Variants in SLC35F2 observed in about 807,000 individuals in gnomAD.
SLC35F2 encodes the protein solute carrier family 35 member F2.
A neutral mutation model predicts 38.1 loss-of-function variants in SLC35F2; 25 were observed. The observed-to-expected ratio is 0.66, with a 90% CI of 0.48 to 0.92. The LOEUF (loss-of-function observed/expected upper bound fraction) is 0.92, where lower values mean the gene tolerates loss of function less well. Ranked by LOEUF, SLC35F2 falls within the 40% of genes least tolerant of loss-of-function variation. SLC35F2 has a pLI of 0.00. For missense variants in SLC35F2, 409 were observed against 452.9 expected (o/e 0.90, Z 0.88); for synonymous variants, 173 against 181.7 (o/e 0.95, Z 0.38).
intron 1 of SLC35F2, among the ~76,000 whole-genome samples, chr11:107,837,785 CA>C (rs1268553471): frequency 6.6e-6 from 1 of 152,044 alleles, no homozygotes; most frequent in African/African-American, 2.4e-5. Context: ...ATTCCTATGA[CA>C]TTTTGGTTGC....
At chr11:107,800,077 A>G (rs528394979) in intron 7 of SLC35F2, among the ~76,000 whole-genome samples, 23 of 149,622 alleles carry the variant, frequency 1.5e-4, no homozygotes, top group African/African-American at 5.7e-4. Flanking sequence ...TTTAGTAGAG[A>G]CAGGGTTTCA....
At chr11:107,838,884 C>T (rs1372991959) in intron 1 of SLC35F2, among the ~76,000 whole-genome samples, 1 of 152,086 alleles carries the variant, frequency 6.6e-6, no homozygotes, top group Non-Finnish European at 1.5e-5. Flanking sequence ...CCATCTCGGC[C>T]TCCCAAAGTG....
intron 1 of SLC35F2, among the ~76,000 whole-genome samples, chr11:107,855,476 A>T (rs1259862807): frequency 1.3e-5 from 2 of 152,128 alleles, no homozygotes; most frequent in Admixed American, 1.3e-4. Context: ...AACATGGAGA[A>T]GCCCCATCTC....
intron 1 of SLC35F2, among the ~76,000 whole-genome samples, chr11:107,837,525 TAAAAAA>T (rs57873203): frequency 1.6e-5 from 2 of 121,842 alleles, no homozygotes; most frequent in South Asian, 2.8e-4. Flanking sequence ...CTGTCTCTAC[TAAAAAA>T]AAAAAAAAAA....
At chr11:107,855,609 G>A (rs970728210) in intron 1 of SLC35F2, among the ~76,000 whole-genome samples, 1 of 151,260 alleles carries the variant, frequency 6.6e-6, no homozygotes. Flanking sequence ...CCGAGATCGC[G>A]CCATTGAACT....
At position 107,803,026 on chromosome 11, in the gene SLC35F2, A is replaced by G. The variant is rs369521825; in HGVS notation, c.914T>C (p.Val305Ala). 1.1e-5 allele frequency: 18 copies of G among 1,612,568 alleles called. No homozygotes were observed. The highest frequency in any genetic ancestry group is 1.5e-5 in the Non-Finnish European group (18 of 1,179,638). ...CTTATAGCCAAACAGAAAGAGTCCAACAAAAAGGCTGTAGAGGTCCGCTGT... is the reference window on the plus strand; with the variant it reads ...CTTATAGCCAAACAGAAAGAGTCCAGCAAAAAGGCTGTAGAGGTCCGCTGT... ...ILTADLYSLF[V>A]GLFLFGYKFS... is the part of the protein sequence containing the mutation. Residue 305 changes from valine (V) to alanine (A), a missense_variant, in exon 7 of 8, where the codon GTT (valine) becomes GCT (alanine). Transcript: ENST00000525815.
At chr11:107,811,639 C>T (rs1859481317) in intron 3 of SLC35F2, 28 bp downstream of exon 3, 1 of 1,570,086 alleles carries the variant, frequency 6.4e-7, no homozygotes, top group Non-Finnish European at 8.6e-7. Context: ...GCTATAAAAT[C>T]CAAAGTGGTC....
chr11:107,834,131 C>T (rs186497064), intron 1 of SLC35F2, among the ~76,000 whole-genome samples: 4 of 152,184 alleles, frequency 2.6e-5, no homozygotes, highest in Non-Finnish European at 5.9e-5. Context: ...CAGGTTAACT[C>T]CTTGCGGAAG....
At position 107,803,129 on chromosome 11, in the gene SLC35F2, A is replaced by G; in HGVS notation, c.811T>C (p.Cys271Arg). 1 of 1,611,832 alleles carries G rather than the reference A, an allele frequency of 6.2e-7. No individual in the cohort carries two copies. The highest frequency in any genetic ancestry group is 8.5e-7 in the Non-Finnish European group (1 of 1,179,502). The change falls in exon 7 of 8, where the codon TGT becomes CGT. Residue 271 changes from cysteine to arginine, a missense_variant. Coordinates refer to ENST00000525815, the MANE Select transcript of SLC35F2 (RefSeq NM_017515.5). ...ATGAAGCTGTACAGGCAAAACATACACAGGGCAAATGCCACGAACAGCAGG... is the reference window on the plus strand; with the variant it reads ...ATGAAGCTGTACAGGCAAAACATACGCAGGGCAAATGCCACGAACAGCAGG... ...IALLFVAFAL[C>R]MFCLYSFMPL...
intron 1 of SLC35F2, among the ~76,000 whole-genome samples, chr11:107,826,954 C>CT (rs1859762026): frequency 6.6e-6 from 1 of 152,028 alleles, no homozygotes; most frequent in Non-Finnish European, 1.5e-5. Flanking sequence ...ATGGAAGCCC[C>CT]TTTAACCTCT....
At chr11:107,857,611 C>T (rs926450766) in intron 1 of SLC35F2, among the ~76,000 whole-genome samples, 4 of 152,152 alleles carry the variant, frequency 2.6e-5, no homozygotes, top group African/African-American at 9.7e-5. Flanking sequence ...AATGCTTACA[C>T]CTTTATCGAT....
At chr11:107,808,371 C>T (rs879282088) in intron 3 of SLC35F2, among the ~76,000 whole-genome samples, 1 of 148,750 alleles carries the variant, frequency 6.7e-6, no homozygotes, top group Non-Finnish European at 1.5e-5. Flanking sequence ...AGAGAGTGCA[C>T]TCACTCAATT....
At chr11:107,818,134 A>AAGAG (rs71470862) in intron 1 of SLC35F2, among the ~76,000 whole-genome samples, 2 of 147,236 alleles carry the variant, frequency 1.4e-5, no homozygotes, top group African/African-American at 2.5e-5. Context: ...GAAAGAAAGA[A>AAGAG]AAAGAAACAA....
rs1859334513 is a variant in SLC35F2 at position 107,802,932 on chromosome 11, T to C, written c.939+69A>G. 1.0e-5 allele frequency: 15 copies of C among 1,443,384 alleles called. No homozygotes were observed. The South Asian group carries it at 1.8e-4, about 18-fold the overall frequency. 89.4% of individuals were successfully genotyped at this position (1,443,384 alleles called of 1,614,324 possible). ...AGGTTTTATTTTTTGATCTAGAGTC[T>C]TGAAGAAACCTGCTACGTTTTTTGG... On this transcript the variant is annotated intron_variant, in intron 7 of 7. Coordinates refer to ENST00000525815, the MANE Select transcript of SLC35F2 (RefSeq NM_017515.5).
At chr11:107,823,944 GAAAA>G in intron 1 of SLC35F2, 1 of 708,024 alleles carries the variant, frequency 1.4e-6, no homozygotes, top group Non-Finnish European at 1.7e-6. Context: ...AAAAAAAAAA[GAAAA>G]AAGAAAAGAA....
chr11:107,853,043 A>C (rs927576924), intron 1 of SLC35F2, among the ~76,000 whole-genome samples: 9 of 151,908 alleles, frequency 5.9e-5, no homozygotes, highest in African/African-American at 2.2e-4. Flanking sequence ...TAGACTGACC[A>C]CCTATTATCC....
In SLC35F2 at chr11:107,803,776, A is replaced by AACACACACACACAC. The variant is rs71047623; in HGVS notation, c.785-635_785-622dup. 7.7e-3 allele frequency among the ~76,000 whole-genome samples: 1,150 copies of AACACACACACACAC among 149,576 alleles called. 6 individuals are homozygous for AACACACACACACAC. Among genetic ancestry groups the AACACACACACACAC allele is most frequent in the African/African-American group, 0.015 (593 of 40,358 alleles). ...ACTTCTTTAATCTCATCCCATACTC[A>AACACACACACACAC]ACACACACACACACACACACACACT... On this transcript the variant is annotated intron_variant, in intron 6 of 7. Coordinates refer to ENST00000525815, the MANE Select transcript of SLC35F2 (RefSeq NM_017515.5).
Position 107,806,705 on chromosome 11 carries a change from A to T in SLC35F2, c.574+12T>A, listed in dbSNP as rs1432629583. The stretch of plus-strand genomic sequence containing the variant: ...GCTGTGATTGAAGCACAAACATGTG[A>T]CACCGTCTCACCTGAATTGTCTTCC... On this transcript the variant is annotated intron_variant, in intron 4 of 7. Transcript: ENST00000525815. 2.5e-6 allele frequency: 4 copies of T among 1,613,512 alleles called. No individual in the cohort carries two copies. Among genetic ancestry groups the T allele is most frequent in the African/African-American group, 1.3e-5 (1 of 74,930 alleles).
chr11:107,833,014 T>TTAAA (rs1859872438), intron 1 of SLC35F2, among the ~76,000 whole-genome samples: 1 of 152,230 alleles, frequency 6.6e-6, no homozygotes, highest in African/African-American at 2.4e-5. Context: ...AACTGCTGAC[T>TTAAA]TAAAGCTCCC....
Sources: gnomAD v4.1 joint callset for allele counts (sites outside exome capture counted in the v4.1 genomes callset) on GRCh38, gnomAD v4.1.1 for gene constraint, MANE v1.5 for transcripts, NCBI Gene and HGNC (gene_info 2026-07-23, HGNC 2026-07-21) for gene names.